RRAGC: variants seen among roughly 807,000 people sequenced by gnomAD.
RRAGC encodes ras-related GTP-binding protein C.
A neutral mutation model predicts 37.1 loss-of-function variants in RRAGC; 8 were observed. That is an observed-to-expected ratio of 0.22 (90% confidence interval 0.13 to 0.39). The LOEUF is 0.39. Among genes scored for constraint, RRAGC ranks in the 10% least tolerant of loss-of-function variants. The pLI is 1.00. For synonymous variants in RRAGC, 190 were observed against 181.1 expected (o/e 1.05, Z -0.39); for missense variants, 342 against 497.6 (o/e 0.69, Z 2.98).
At chr1:38,858,328 A>G (rs891594002) in intron 1 of RRAGC, among the ~76,000 whole-genome samples, 1 of 152,208 alleles carries the variant, frequency 6.6e-6, no homozygotes, top group African/African-American at 2.4e-5. Context: ...TGCTGATACT[A>G]GTTTTATTAC....
At chr1:38,858,611 T>C (rs1362128328) in intron 1 of RRAGC, among the ~76,000 whole-genome samples, 2 of 152,124 alleles carry the variant, frequency 1.3e-5, no homozygotes, top group Admixed American at 6.5e-5. Context: ...GGCGGGAGAA[T>C]TACTTGAACC....
rs1017776824 is a variant in RRAGC, at chr1:38,859,693, C to G, written c.-47G>C. 5 of 1,376,596 alleles carry G rather than the reference C, an allele frequency of 3.6e-6. No individual in the cohort carries two copies. The highest frequency in any genetic ancestry group is 4.7e-6 in the Non-Finnish European group (5 of 1,063,482). The allele number at this position is 1,376,596 out of a possible 1,614,324, so 85.3% of individuals were successfully genotyped here. Reference sequence around the variant, plus strand: ...CGCGCCCTGACAGGCCAGGCCAGGCCGAGCCAGGCCGCCGCCTCCCCAGTC... The same window carrying G: ...CGCGCCCTGACAGGCCAGGCCAGGCGGAGCCAGGCCGCCGCCTCCCCAGTC... On this transcript the variant is annotated 5_prime_UTR_variant, in exon 1 of 7. Transcript: ENST00000373001.
At position 38,839,703 on chromosome 1, in the gene RRAGC, A is replaced by G; in HGVS notation, c.1050T>C (p.Gly350=). The change falls in exon 7 of 7, where the codon GGT becomes GGC. Residue 350 remains glycine (G), a splice_region_variant and synonymous_variant. Transcript: ENST00000373001. ...ILREESFERK[G]LIDYNFHCFR... ...AACAGTGGAAGTTGTAGTCTATTAA[A>G]CCTGCAGGAAGGAAAAAGAAAAGAA... is the stretch of plus-strand genomic sequence containing the variant. 6.2e-7 allele frequency: 1 copy of G among 1,613,570 alleles called. No homozygotes were observed.
At chr1:38,854,792 G>C (rs1182981084) in intron 3 of RRAGC, among the ~76,000 whole-genome samples, 1 of 152,150 alleles carries the variant, frequency 6.6e-6, no homozygotes, top group Non-Finnish European at 1.5e-5. Context: ...AGAATTTTAG[G>C]GGGAGGGATA....
intron 6 of RRAGC, among the ~76,000 whole-genome samples, chr1:38,842,139 G>A (rs896658031): frequency 6.6e-6 from 1 of 152,198 alleles, no homozygotes; most frequent in Non-Finnish European, 1.5e-5. Context: ...AGGCGTGCAG[G>A]CGGGCGCCTG....
At chr1:38,842,163 T>A (rs1641972077) in intron 6 of RRAGC, among the ~76,000 whole-genome samples, 1 of 152,034 alleles carries the variant, frequency 6.6e-6, no homozygotes, top group South Asian at 2.1e-4. Context: ...TCCCAGCTAC[T>A]TGGGAGGCTG....
intron 5 of RRAGC, chr1:38,848,198 G>C (rs1451144191): frequency 6.6e-6 from 1 of 152,156 alleles, no homozygotes; most frequent in Non-Finnish European, 1.5e-5. Flanking sequence ...GGGGAAGTTG[G>C]TGTCATTTGC....
intron 6 of RRAGC, among the ~76,000 whole-genome samples, chr1:38,841,355 T>C (rs1641960206): frequency 6.7e-6 from 1 of 149,848 alleles, no homozygotes; most frequent in African/African-American, 2.4e-5. Flanking sequence ...CCTGAAAATT[T>C]CCATAAACAA....
intron 3 of RRAGC, among the ~76,000 whole-genome samples, chr1:38,854,548 G>C (rs1383283228): frequency 6.6e-6 from 1 of 152,180 alleles, no homozygotes; most frequent in Admixed American, 6.5e-5. Flanking sequence ...GACAAGAACG[G>C]CTCAAAATCC....
At chr1:38,859,320 G>A (rs1642206001) in intron 1 of RRAGC, 90 bp downstream of exon 1, 2 of 1,198,060 alleles carry the variant, frequency 1.7e-6, no homozygotes, top group African/African-American at 1.5e-5. Flanking sequence ...GAGCGCAGGC[G>A]GGCCCCGGCC....
chr1:38,849,071 C>T (rs1473371901), intron 5 of RRAGC, among the ~76,000 whole-genome samples: 2 of 150,582 alleles, frequency 1.3e-5, no homozygotes, highest in East Asian at 3.9e-4. Context: ...TGTACCACTA[C>T]ACTTCAGCCT....
chr1:38,842,067 T>C (rs1641970382), intron 6 of RRAGC, among the ~76,000 whole-genome samples: 4 of 151,956 alleles, frequency 2.6e-5, no homozygotes, highest in Admixed American at 2.6e-4. Flanking sequence ...GGTCAGGAGA[T>C]CGAGACCATC....
At chr1:38,840,766 G>A (rs1440585456) in intron 6 of RRAGC, among the ~76,000 whole-genome samples, 1 of 152,188 alleles carries the variant, frequency 6.6e-6, no homozygotes, top group Admixed American at 6.5e-5. Flanking sequence ...AGAACTCTTG[G>A]TAGGAAATAC....
At chr1:38,852,519 G>T in intron 3 of RRAGC, 31 bp from the exon 4 acceptor site, 1 of 986,202 alleles carries the variant, frequency 1.0e-6, no homozygotes, top group South Asian at 1.4e-5. Context: ...TGATTAATTT[G>T]AAAAATACCT....
At chr1:38,855,666 CA>C (rs1342443995) in intron 3 of RRAGC, 41 bp downstream of exon 3, 12 of 1,479,852 alleles carry the variant, frequency 8.1e-6, no homozygotes, top group Non-Finnish European at 1.1e-5. Flanking sequence ...AATACATTTA[CA>C]CCTTGTTCAG....
chr1:38,851,785 A>T (rs765507013), intron 4 of RRAGC, 28 bp from the exon 5 acceptor site: 8 of 1,588,318 alleles, frequency 5.0e-6, no homozygotes, highest in Admixed American at 3.5e-5. Context: ...GAAACTGTTC[A>T]GTATTTTTTA....
At position 38,852,289 on chromosome 1, in the gene RRAGC, T is replaced by G. The variant is rs991693574; in HGVS notation, c.756+85A>C. The G allele has an allele frequency of 3.7e-6, 3 of 813,570 alleles. No homozygotes were observed. The African/African-American group carries it at 5.1e-5, about 14-fold the overall frequency. The allele number at this position is 813,570 out of a possible 1,614,324, so 50.4% of individuals were successfully genotyped here. A position where few individuals can be genotyped will look rare whatever the true frequency, so the allele number is the denominator to read the frequency against. On this transcript the variant is annotated intron_variant, in intron 4 of 6. Transcript: ENST00000373001. ...TACTTGATACAGATTAATTCAAGAC[T>G]TTTTTGGAAAATTTGAAAACACAAA... is the stretch of plus-strand genomic sequence containing the variant.
chr1:38,853,262 C>T (rs1436777344), intron 3 of RRAGC, among the ~76,000 whole-genome samples: 3 of 152,178 alleles, frequency 2.0e-5, no homozygotes, highest in African/African-American at 7.2e-5. Flanking sequence ...AAAGGACTTA[C>T]GGTGGAGAAG....
intron 6 of RRAGC, among the ~76,000 whole-genome samples, chr1:38,843,714 T>C (rs541618703): frequency 6.9e-6 from 1 of 145,030 alleles, no homozygotes; most frequent in Non-Finnish European, 1.5e-5. Context: ...AGCGAGACTG[T>C]CTCAAAAAAA....
Sources: allele counts gnomAD v4.1 joint callset (sites outside exome capture counted in the v4.1 genomes callset), GRCh38; gene constraint gnomAD v4.1.1; transcripts MANE v1.5; gene names NCBI Gene and HGNC (gene_info 2026-07-23, HGNC 2026-07-21).